Variants in MROH2A observed in about 807,000 individuals in gnomAD.
The protein encoded by MROH2A is maestro heat-like repeat-containing protein family member 2A.
MROH2A carries 174 observed loss-of-function variants against 200.4 expected under a neutral mutation model. The ratio of observed to expected loss-of-function variants is 0.87; its 90% CI spans 0.77 to 0.98. The LOEUF is 0.98. Ranked by LOEUF, MROH2A falls within the 50% of genes least tolerant of loss-of-function variation. The pLI, the probability that MROH2A is intolerant of heterozygous loss-of-function variation, is 0.00. For synonymous variants in MROH2A, 829 were observed against 840.4 expected (o/e 0.99, Z 0.23); for missense variants, 2,045 against 2,139.6 (o/e 0.96, Z 0.87).
chr2:233,820,856 T>C lies in MROH2A; in HGVS notation c.3512+800T>C, dbSNP rs768134610. 2.0e-5 allele frequency among the ~76,000 whole-genome samples: 3 copies of C among 152,190 alleles called. No homozygotes were observed. The highest frequency in any genetic ancestry group is 2.0e-4 in the Admixed American group (3 of 15,288). On this transcript the variant is annotated intron_variant, in intron 31 of 41. Coordinates refer to ENST00000389758, the MANE Select transcript of MROH2A (RefSeq NM_001394639.1). This position sits in a 1 kb window ranked among gnomAD's most constrained non-coding sequence, Gnocchi z 4.1. ...GCCCGAAATGCAGGCATGACTCCCC[T>C]GTGGAGCTGCTTCTCATAAGGGCAG...
chr2:233,792,237 C>T (rs1701813373), intron 5 of MROH2A, among the ~76,000 whole-genome samples: 2 of 151,968 alleles, frequency 1.3e-5, no homozygotes, highest in Admixed American at 1.3e-4. Context: ...CCTCCTCTTC[C>T]TTCTCCTGGT....
chr2:233,779,556 C>T, intron 2 of MROH2A, 104 bp downstream of exon 2: 9 of 1,378,000 alleles, frequency 6.5e-6, no homozygotes, highest in Non-Finnish European at 8.0e-6. Context: ...GCACAGTGGA[C>T]ATCATACCAC....
chr2:233,831,023 C>T (rs1344955142), intron 38 of MROH2A, among the ~76,000 whole-genome samples: 1 of 152,164 alleles, frequency 6.6e-6, no homozygotes, highest in Non-Finnish European at 1.5e-5. Flanking sequence ...CTGTGGCCAG[C>T]AGGCTTGGTC....
intron 3 of MROH2A, among the ~76,000 whole-genome samples, chr2:233,788,618 C>T (rs374866274): frequency 1.2e-4 from 18 of 152,044 alleles, no homozygotes; most frequent in African/African-American, 4.1e-4. Flanking sequence ...AGTGGCTCCA[C>T]CTAGAAAGTA....
At chr2:233,802,499 A>T in intron 15 of MROH2A, 184 bp downstream of exon 15, 4 of 664,526 alleles carry the variant, frequency 6.0e-6, no homozygotes, top group Non-Finnish European at 9.9e-6. Flanking sequence ...TATCTAGGTC[A>T]TGTTAGAATT....
intron 16 of MROH2A, 37 bp from the exon 17 acceptor site, chr2:233,804,014 T>C: frequency 6.5e-7 from 1 of 1,545,596 alleles, no homozygotes; most frequent in Non-Finnish European, 8.7e-7. Flanking sequence ...AGCAAGGTGC[T>C]CAGGTGCTAC....
At position 233,817,983 on chromosome 2, in the gene MROH2A, A is replaced by T; in HGVS notation, c.2962-19A>T. The T allele has an allele frequency of 6.4e-7, 1 of 1,550,624 alleles. No individual in the cohort carries two copies. Among genetic ancestry groups the T allele is most frequent in the Non-Finnish European group, 8.7e-7 (1 of 1,146,970 alleles). On this transcript the variant is annotated intron_variant, in intron 27 of 41. Transcript: ENST00000389758. ...ATGAGAGCACAGAGGTGTGAGCCCC[A>T]CGGTCTCCTGTCCCTCAGATCCACC...
chr2:233,791,413 C>T (rs1419506636), intron 5 of MROH2A, among the ~76,000 whole-genome samples: 1 of 152,140 alleles, frequency 6.6e-6, no homozygotes, highest in Non-Finnish European at 1.5e-5. Context: ...GGCCTCCTTT[C>T]CCGAGCTAGA....
intron 41 of MROH2A, 100 bp downstream of exon 41, chr2:233,832,744 C>T: frequency 8.9e-6 from 5 of 564,292 alleles, no homozygotes; most frequent in Non-Finnish European, 1.6e-5. Flanking sequence ...GGACCCTTTG[C>T]TGTGGGGTTT....
intron 7 of MROH2A, 143 bp from the exon 8 acceptor site, chr2:233,794,220 G>T: frequency 4.6e-6 from 3 of 654,334 alleles, no homozygotes; most frequent in Non-Finnish European, 8.1e-6. Context: ...ACTCAAACCC[G>T]GCCGCCTGTG....
In MROH2A at chr2:233,813,653, C is replaced by T; in HGVS notation, c.2652-17C>T. On this transcript the variant is annotated splice_polypyrimidine_tract_variant and intron_variant, in intron 24 of 41. Transcript: ENST00000389758. ...TCCCCAATGACTGTTCCTCTCTTGT[C>T]ACTGCTTCTTCTCCAGCAAGCTGAA... is the stretch of plus-strand genomic sequence containing the variant. The T allele has an allele frequency of 1.3e-6, 2 of 1,492,154 alleles. No homozygotes were observed. Among genetic ancestry groups the T allele is most frequent in the Non-Finnish European group, 1.8e-6 (2 of 1,094,740 alleles). 92.4% of individuals were successfully genotyped at this position (1,492,154 alleles called of 1,614,324 possible).
intron 11 of MROH2A, among the ~76,000 whole-genome samples, chr2:233,796,742 C>T (rs1187107315): frequency 6.6e-6 from 1 of 152,222 alleles, no homozygotes; most frequent in African/African-American, 2.4e-5. Flanking sequence ...CACTAGCTCA[C>T]ACTCTGCCTT....
Position 233,814,676 on chromosome 2 carries a change from A to G in MROH2A, c.2855A>G (p.Gln952Arg). The G allele has an allele frequency of 6.5e-7, 1 of 1,548,634 alleles. No individual in the cohort carries two copies. The highest frequency in any genetic ancestry group is 1.2e-5 in the South Asian group (1 of 83,762). The change falls in exon 26 of 42, where the codon CAG becomes CGG. Residue 952 changes from glutamine (Q) to arginine (R), a missense_variant and splice_region_variant. Physicochemically the swap from Gln to Arg is conservative, Grantham distance 43. Around this residue, in one of 3 missense-constraint regions of MROH2A, gnomAD observed 1,201 missense variants for 1,311.3 expected, o/e 0.92. Transcript: ENST00000389758. ...LDPKGLQEMVQLLEKWILSEK... is the reference protein window; with the variant it reads ...LDPKGLQEMVRLLEKWILSEK... ...CCCAAGGGGCTGCAGGAGATGGTGC[A>G]GGTGAGTTGCCTGGTGGCGGGCCAG...
At chr2:233,794,582 A>G in intron 8 of MROH2A, 76 bp downstream of exon 8, 4 of 758,684 alleles carry the variant, frequency 5.3e-6, no homozygotes, top group Non-Finnish European at 8.9e-6. Context: ...AAAGGGGATG[A>G]GTGGGAGCCG....
intron 3 of MROH2A, among the ~76,000 whole-genome samples, chr2:233,785,366 G>A (rs1342109735): frequency 2.0e-5 from 3 of 150,754 alleles, no homozygotes; most frequent in Admixed American, 1.3e-4. Flanking sequence ...GGCAGGCCGA[G>A]ATGGGAGCAT....
chr2:233,828,208 C>CACA lies in MROH2A; in HGVS notation c.4114-421_4114-419dup, dbSNP rs2124913347. Reference sequence around the variant, plus strand: ...GCATGCACACATGTACACACATGTACACACATGCATGCACCCACACGCATA... The same window carrying CACA: ...GCATGCACACATGTACACACATGTACACAACACATGCATGCACCCACACGCATA... On this transcript the variant is annotated intron_variant, in intron 35 of 41. Transcript: ENST00000389758. The surrounding 1 kb of genome is among the most constrained non-coding windows in gnomAD (Gnocchi z 4.6). Among the ~76,000 whole-genome samples, 1 of 152,282 alleles carries CACA rather than the reference C, an allele frequency of 6.6e-6. No homozygotes were observed. The highest frequency in any genetic ancestry group is 2.1e-4 in the South Asian group (1 of 4,826).
chr2:233,814,424 G>A (rs1703376639), intron 25 of MROH2A, among the ~76,000 whole-genome samples, 158 bp from the exon 26 acceptor site: 1 of 152,212 alleles, frequency 6.6e-6, no homozygotes, highest in African/African-American at 2.4e-5. Context: ...TTAAATGGTT[G>A]TCTTGTACTT....
At chr2:233,790,046 GTGTGCCCTTC>G in intron 5 of MROH2A, 32 bp downstream of exon 5, 1 of 1,519,088 alleles carries the variant, frequency 6.6e-7, no homozygotes. Flanking sequence ...GCCGGGCCCA[GTGTGCCCTTC>G]TGGTCTCTGC....
intron 14 of MROH2A, among the ~76,000 whole-genome samples, chr2:233,801,636 C>G (rs369176621): frequency 6.6e-6 from 1 of 152,140 alleles, no homozygotes; most frequent in Non-Finnish European, 1.5e-5. Context: ...ACTCTTAAGG[C>G]GTTTCACCCA....
Sources: gnomAD v4.1 joint callset for allele counts (sites outside exome capture counted in the v4.1 genomes callset) on GRCh38, gnomAD v4.1.1 for gene constraint, gnomAD v4.1.1 regional missense constraint, Gnocchi (gnomAD v3.1) non-coding constraint, MANE v1.5 for transcripts, NCBI Gene and HGNC (gene_info 2026-07-23, HGNC 2026-07-21) for gene names.